Variants in KIAA0319L observed in about 807,000 individuals in gnomAD.
KIAA0319L encodes the protein dyslexia-associated protein KIAA0319-like protein.
Under a neutral mutation model 120.1 loss-of-function variants are expected in KIAA0319L, and 55 were observed. That is an observed-to-expected ratio of 0.46 (90% CI 0.37 to 0.57). KIAA0319L has a LOEUF of 0.57. Ranked by LOEUF, KIAA0319L falls within the 20% of genes least tolerant of loss-of-function variation. KIAA0319L has a pLI of 0.00. For synonymous variants in KIAA0319L, 398 were observed against 471.9 expected (o/e 0.84, Z 2.03); for missense variants, 1,049 against 1,255.3 (o/e 0.84, Z 2.48).
In KIAA0319L at chr1:35,557,385, A is replaced by G; in HGVS notation, c.-207T>C. 3.2e-6 allele frequency: 1 copy of G among 313,134 alleles called. No homozygotes were observed. The highest frequency in any genetic ancestry group is 1.2e-4 in the East Asian group (1 of 8,626). 19.4% of individuals were successfully genotyped at this position (313,134 alleles called of 1,614,324 possible). On this transcript the variant is annotated 5_prime_UTR_variant, in exon 1 of 21. Coordinates refer to ENST00000325722, the MANE Select transcript of KIAA0319L (RefSeq NM_024874.5). ...ACCTCTCGCCTCAGCCTCCCTGGAC[A>G]GCGACGGCGGCCGGAAACACCGCCT...
At chr1:35,492,642 C>CA (rs1021429632) in intron 3 of KIAA0319L, among the ~76,000 whole-genome samples, 14 of 151,486 alleles carry the variant, frequency 9.2e-5, no homozygotes, top group South Asian at 2.1e-4. Context: ...ATACTAAAAA[C>CA]AAAAAAAATC....
rs137877511 is a variant in KIAA0319L, at chr1:35,441,090, G to C, written c.2919C>G (p.Ala973=). The C allele has an allele frequency of 1.2e-6, 2 of 1,614,044 alleles. No individual in the cohort carries two copies. The highest frequency in any genetic ancestry group is 1.7e-6 in the Non-Finnish European group (2 of 1,180,020). Residue 973 remains alanine, a synonymous_variant, in exon 20 of 21, where the codon GCC becomes GCG. Coordinates refer to ENST00000325722, the MANE Select transcript of KIAA0319L (RefSeq NM_024874.5). ...KRKSKYKILD[A]TDQESLELKP... The stretch of plus-strand genomic sequence containing the variant: ...TCAGCTCCAGGCTTTCCTGATCCGT[G>C]GCATCCAGGATCTTGTACTTGCTTT...
At position 35,434,603 on chromosome 1, in the gene KIAA0319L, T is replaced by C; in HGVS notation, c.*291A>G. 2.6e-6 allele frequency: 1 copy of C among 386,484 alleles called. No homozygotes were observed. The highest frequency in any genetic ancestry group is 4.7e-6 in the Non-Finnish European group (1 of 212,836). The allele number at this position is 386,484 out of a possible 1,614,324, so 23.9% of individuals were successfully genotyped here. A position where few individuals can be genotyped will look rare whatever the true frequency, so the allele number is the denominator to read the frequency against. On this transcript the variant is annotated 3_prime_UTR_variant, in exon 21 of 21. Coordinates refer to ENST00000325722, the MANE Select transcript of KIAA0319L (RefSeq NM_024874.5). ...CTGGGGAGCTGCAGAGCTTAGCAGC[T>C]GGCTGGGTCTGCCCTCGGGGGAGGG...
chr1:35,485,569 A>G (rs550021401), intron 3 of KIAA0319L, among the ~76,000 whole-genome samples: 1 of 152,014 alleles, frequency 6.6e-6, no homozygotes, highest in Non-Finnish European at 1.5e-5. Context: ...ATATGTGGAG[A>G]GCTTATCGTA....
intron 2 of KIAA0319L, among the ~76,000 whole-genome samples, chr1:35,533,880 C>T (rs756812653): frequency 4.6e-5 from 7 of 152,150 alleles, no homozygotes; most frequent in Non-Finnish European, 1.0e-4. Context: ...CCTGCACACC[C>T]ACTAATAAAC....
intron 3 of KIAA0319L, among the ~76,000 whole-genome samples, chr1:35,501,802 C>A (rs993408309): frequency 6.7e-6 from 1 of 149,424 alleles, no homozygotes; most frequent in Admixed American, 6.7e-5. Flanking sequence ...TGCTTGAACC[C>A]GGGAGGTGGA....
In KIAA0319L at chr1:35,557,388, G is replaced by A. The variant is rs1558705740; in HGVS notation, c.-210C>T. ...TCTCGCCTCAGCCTCCCTGGACAGC[G>A]ACGGCGGCCGGAAACACCGCCTCCT... On this transcript the variant is annotated 5_prime_UTR_variant, in exon 1 of 21. Transcript: ENST00000325722. 9.6e-6 allele frequency: 3 copies of A among 313,728 alleles called. No individual in the cohort carries two copies. The highest frequency in any genetic ancestry group is 2.3e-5 in the South Asian group (1 of 43,730). 19.4% of individuals were successfully genotyped at this position (313,728 alleles called of 1,614,324 possible). A position where few individuals can be genotyped will look rare whatever the true frequency, so the allele number is the denominator to read the frequency against.
intron 2 of KIAA0319L, among the ~76,000 whole-genome samples, chr1:35,523,686 G>A (rs1407183310): frequency 6.6e-6 from 1 of 152,180 alleles, no homozygotes; most frequent in African/African-American, 2.4e-5. Flanking sequence ...TATTCAAGAA[G>A]TGACAGTGAA....
At chr1:35,492,117 G>A (rs1026017281) in intron 3 of KIAA0319L, among the ~76,000 whole-genome samples, 18 of 152,048 alleles carry the variant, frequency 1.2e-4, no homozygotes, top group Non-Finnish European at 1.0e-4. Flanking sequence ...GAAAACTGAA[G>A]AAAAGGAAAA....
At position 35,515,312 on chromosome 1, in the gene KIAA0319L, CAAAA is replaced by C. The variant is rs765616874; in HGVS notation, c.143-8181_143-8178del. 1.0e-4 allele frequency among the ~76,000 whole-genome samples: 7 copies of C among 67,438 alleles called. No homozygotes were observed. In the Admixed American group the frequency reaches 1.1e-3, roughly 10 times the overall value. 44.2% of individuals were successfully genotyped at this position (67,438 alleles called of 152,430 possible). A position where few individuals can be genotyped will look rare whatever the true frequency, so the allele number is the denominator to read the frequency against. ...GGACAAAAAGAGTGAAACTCCATCT[CAAAA>C]AAAAAAAAAAAAGAACCAAAATTGT... On this transcript the variant is annotated intron_variant, in intron 2 of 20. Coordinates refer to ENST00000325722, the MANE Select transcript of KIAA0319L (RefSeq NM_024874.5).
chr1:35,467,847 C>T (rs1026851473), intron 6 of KIAA0319L, among the ~76,000 whole-genome samples: 1 of 152,074 alleles, frequency 6.6e-6, no homozygotes, highest in African/African-American at 2.4e-5. Context: ...CACCACCATT[C>T]CCAGCTAATT....
chr1:35,536,332 T>C (rs916763355), intron 2 of KIAA0319L, among the ~76,000 whole-genome samples: 4 of 152,236 alleles, frequency 2.6e-5, no homozygotes, highest in Non-Finnish European at 4.4e-5. Context: ...TCTTTCCTCA[T>C]GAAAGGACCA....
chr1:35,547,574 T>C (rs1481890673), intron 2 of KIAA0319L, among the ~76,000 whole-genome samples: 1 of 152,184 alleles, frequency 6.6e-6, no homozygotes, highest in Non-Finnish European at 1.5e-5. Flanking sequence ...AATGAAGTAC[T>C]GATACCTGCT....
intron 2 of KIAA0319L, among the ~76,000 whole-genome samples, chr1:35,553,266 T>C (rs1558688242): frequency 6.6e-6 from 1 of 151,696 alleles, no homozygotes; most frequent in African/African-American, 2.4e-5. Flanking sequence ...CTGATGGTGC[T>C]AAATCAATTA....
chr1:35,462,071 G>A (rs1397328627), intron 8 of KIAA0319L, among the ~76,000 whole-genome samples: 2 of 152,158 alleles, frequency 1.3e-5, no homozygotes, highest in Non-Finnish European at 2.9e-5. Flanking sequence ...CCACAATTAA[G>A]GGCAAAGACC....
intron 10 of KIAA0319L, 22 bp from the exon 11 acceptor site, chr1:35,454,507 T>C (rs376245078): frequency 1.2e-5 from 19 of 1,609,832 alleles, no homozygotes; most frequent in Non-Finnish European, 1.6e-5. Flanking sequence ...AATACAGAAG[T>C]GGAAAAGTGG....
Position 35,453,817 on chromosome 1 carries a change from G to C in KIAA0319L, c.1781-128C>G. 1.1e-6 allele frequency: 1 copy of C among 870,068 alleles called. No individual in the cohort carries two copies. The highest frequency in any genetic ancestry group is 2.0e-5 in the South Asian group (1 of 51,264). 53.9% of individuals were successfully genotyped at this position (870,068 alleles called of 1,614,324 possible). ...GGCCACAGAACTGTCAGATACTGTG[G>C]GAGATGTGGTTACCGTCAGGGAGCA... On this transcript the variant is annotated intron_variant, in intron 11 of 20. Coordinates refer to ENST00000325722, the MANE Select transcript of KIAA0319L (RefSeq NM_024874.5). This position sits in a 1 kb window ranked among gnomAD's most constrained non-coding sequence, Gnocchi z 4.1.
At chr1:35,483,759 A>G (rs533077208) in intron 3 of KIAA0319L, among the ~76,000 whole-genome samples, 7 of 152,340 alleles carry the variant, frequency 4.6e-5, no homozygotes, top group African/African-American at 1.7e-4. Flanking sequence ...ATAATGAATT[A>G]CTATAAACTT....
chr1:35,522,683 C>T (rs953603558), intron 2 of KIAA0319L, among the ~76,000 whole-genome samples: 4 of 152,110 alleles, frequency 2.6e-5, no homozygotes, highest in African/African-American at 9.6e-5. Context: ...ACTTCCCAGG[C>T]CTCTTACAAT....
Sources: allele counts gnomAD v4.1 joint callset (sites outside exome capture counted in the v4.1 genomes callset), GRCh38; gene constraint gnomAD v4.1.1; non-coding constraint Gnocchi (gnomAD v3.1); transcripts MANE v1.5; gene names NCBI Gene and HGNC (gene_info 2026-07-23, HGNC 2026-07-21).